The following FRMD3 variants were observed in gnomAD, a reference collection of about 807,000 sequenced individuals.
The protein encoded by FRMD3 is FERM domain containing 3.
A neutral mutation model predicts 70.2 loss-of-function variants in FRMD3; 33 were observed. The ratio of observed to expected loss-of-function variants is 0.47; its 90% CI spans 0.36 to 0.63. The LOEUF (loss-of-function observed/expected upper bound fraction) is 0.63. Ranked by LOEUF, FRMD3 falls within the 20% of genes least tolerant of loss-of-function variation. FRMD3 has a pLI of 0.00. For missense variants in FRMD3, 632 were observed against 711.4 expected, an observed-to-expected ratio of 0.89 and a Z score of 1.27; for synonymous variants, 279 against 255.9, an observed-to-expected ratio of 1.09 and a Z score of -0.86.
chr9:83,461,703 T>G (rs1827979429), intron 1 of FRMD3, among the ~76,000 whole-genome samples: 2 of 86,510 alleles, frequency 2.3e-5, no homozygotes, highest in African/African-American at 4.9e-5. Context: ...TTTTTTTTTT[T>G]TTTGAGATGG....
intron 6 of FRMD3, 59 bp downstream of exon 6, chr9:83,335,457 C>T: frequency 6.7e-7 from 1 of 1,485,266 alleles, no homozygotes; most frequent in Non-Finnish European, 9.3e-7. Flanking sequence ...TCCACATTCC[C>T]TGCAGTAAGA....
intron 1 of FRMD3, among the ~76,000 whole-genome samples, chr9:83,394,695 A>AT (rs1825763759): frequency 6.6e-6 from 1 of 152,186 alleles, no homozygotes; most frequent in Non-Finnish European, 1.5e-5. Context: ...AGAGCTTATC[A>AT]TTCTCTCACA....
intron 1 of FRMD3, among the ~76,000 whole-genome samples, chr9:83,411,101 C>T (rs1375419174): frequency 1.3e-5 from 2 of 152,314 alleles, no homozygotes; most frequent in African/African-American, 2.4e-5. Flanking sequence ...AGGGCTGGAA[C>T]ATCACCTGCC....
chr9:83,259,611 T>C (rs1450754163), intron 13 of FRMD3, among the ~76,000 whole-genome samples: 1 of 152,200 alleles, frequency 6.6e-6, no homozygotes, highest in Non-Finnish European at 1.5e-5. Context: ...TAGTTAAGTG[T>C]AGGTAGACTG....
At chr9:83,520,997 G>T (rs1011660361) in intron 1 of FRMD3, among the ~76,000 whole-genome samples, 5 of 143,518 alleles carry the variant, frequency 3.5e-5, no homozygotes, top group African/African-American at 1.3e-4. Flanking sequence ...AAAAAAGCCA[G>T]GCATGGTTGT....
At chr9:83,256,990 A>G (rs1832737648) in intron 13 of FRMD3, among the ~76,000 whole-genome samples, 1 of 152,196 alleles carries the variant, frequency 6.6e-6, no homozygotes, top group East Asian at 1.9e-4. Context: ...GGAGGCAGAA[A>G]TACTGTTTGA....
Position 83,245,200 on chromosome 9 carries a change from TATAA to T in FRMD3, c.*2714_*2717del. The T allele has an allele frequency of 6.1e-6, 6 of 984,534 alleles. No individual in the cohort carries two copies. Among genetic ancestry groups the T allele is most frequent in the Non-Finnish European group, 7.2e-6 (6 of 829,100 alleles). The allele number at this position is 984,534 out of a possible 1,614,324, so 61.0% of individuals were successfully genotyped here. On this transcript the variant is annotated 3_prime_UTR_variant, in exon 14 of 14. Transcript: ENST00000304195. ...AGACACACATATATACAGATTCATA[TATAA>T]ACACACATATACCAATAATATGGAA...
At chr9:83,479,151 A>G (rs1360332426) in intron 1 of FRMD3, among the ~76,000 whole-genome samples, 1 of 152,018 alleles carries the variant, frequency 6.6e-6, no homozygotes, top group Non-Finnish European at 1.5e-5. Context: ...AATACGGCCA[A>G]TGCAAAAAGA....
At chr9:83,248,615 G>T in intron 13 of FRMD3, 99 bp from the exon 14 acceptor site, 1 of 1,236,942 alleles carries the variant, frequency 8.1e-7, no homozygotes, top group Non-Finnish European at 1.1e-6. Context: ...TGGGATTCAA[G>T]CAATCTATGA....
chr9:83,525,407 T>A (rs1829664528), intron 1 of FRMD3, among the ~76,000 whole-genome samples: 1 of 152,220 alleles, frequency 6.6e-6, no homozygotes, highest in Non-Finnish European at 1.5e-5. Context: ...TGAATTATTT[T>A]AATTTTCACA....
chr9:83,290,859 A>G lies in FRMD3; in HGVS notation c.1071-132T>C. 3.3e-6 allele frequency: 3 copies of G among 916,166 alleles called. No homozygotes were observed. In the South Asian group the frequency reaches 5.2e-5, roughly 16 times the overall value. The allele number at this position is 916,166 out of a possible 1,614,324, so 56.8% of individuals were successfully genotyped here. ...TCCAGACACAGTGAATTGAGCCAGT[A>G]GTAAAGATGACGTAACATTCAAGAT... On this transcript the variant is annotated intron_variant, in intron 12 of 13. Coordinates refer to ENST00000304195, the MANE Select transcript of FRMD3 (RefSeq NM_174938.6).
the FRMD3 span, among the ~76,000 whole-genome samples, chr9:83,549,123 G>T: frequency 6.6e-6 from 1 of 151,908 alleles, no homozygotes; most frequent in Non-Finnish European, 1.5e-5. Context: ...CCCTCAAGAA[G>T]ACCCCAGTGT....
At chr9:83,405,959 T>C (rs1826090046) in intron 1 of FRMD3, among the ~76,000 whole-genome samples, 1 of 152,144 alleles carries the variant, frequency 6.6e-6, no homozygotes, top group African/African-American at 2.4e-5. Flanking sequence ...AAACAGTAAC[T>C]TGTGTTTCAT....
chr9:83,520,351 T>C (rs1476420710), intron 1 of FRMD3, among the ~76,000 whole-genome samples: 1 of 152,190 alleles, frequency 6.6e-6, no homozygotes, highest in Non-Finnish European at 1.5e-5. Context: ...CTTATAGTTT[T>C]GAAATTATGA....
At chr9:83,301,175 C>G (rs902309693) in intron 10 of FRMD3, among the ~76,000 whole-genome samples, 17 of 152,156 alleles carry the variant, frequency 1.1e-4, no homozygotes, top group Non-Finnish European at 1.5e-5. Context: ...CTGGCTGGAG[C>G]TTCCTTCCAG....
In FRMD3 at chr9:83,343,183, G is replaced by A. The variant is rs766047234; in HGVS notation, c.472+7C>T. ...AGGTGGCGTGGGTGAGCTGTGGCCA[G>A]ACTTACCTTGAACAATACAGGCACC... On this transcript the variant is annotated splice_region_variant and intron_variant, in intron 5 of 13. Coordinates refer to ENST00000304195, the MANE Select transcript of FRMD3 (RefSeq NM_174938.6). 11 of 1,604,784 alleles carry A rather than the reference G, an allele frequency of 6.9e-6. No homozygotes were observed. Among genetic ancestry groups the A allele is most frequent in the Non-Finnish European group, 9.4e-6 (11 of 1,171,518 alleles).
intron 1 of FRMD3, among the ~76,000 whole-genome samples, chr9:83,438,369 C>A (rs796911213): frequency 6.6e-6 from 1 of 151,924 alleles, no homozygotes; most frequent in African/African-American, 2.4e-5. Context: ...GAGTCACAAA[C>A]TCTTTCTTTC....
At chr9:83,494,682 T>C (rs1405794216) in intron 1 of FRMD3, among the ~76,000 whole-genome samples, 2 of 152,194 alleles carry the variant, frequency 1.3e-5, no homozygotes, top group Admixed American at 1.3e-4. Flanking sequence ...GTGGGGAGGA[T>C]TGCTTGACCC....
chr9:83,486,154 T>A (rs944822915), intron 1 of FRMD3, among the ~76,000 whole-genome samples: 1 of 152,186 alleles, frequency 6.6e-6, no homozygotes, highest in African/African-American at 2.4e-5. Flanking sequence ...TAATATCCTA[T>A]GAATATATTC....
Sources: allele counts gnomAD v4.1 joint callset (sites outside exome capture counted in the v4.1 genomes callset), GRCh38; gene constraint gnomAD v4.1.1; transcripts MANE v1.5; gene names NCBI Gene and HGNC (gene_info 2026-07-23, HGNC 2026-07-21).